TRIM33: variants seen among roughly 807,000 people sequenced by gnomAD.
TRIM33 encodes E3 ubiquitin-protein ligase TRIM33.
In TRIM33, 20 loss-of-function variants were observed where a neutral mutation model predicts 125.4. The ratio of observed to expected loss-of-function variants is 0.16; its 90% CI spans 0.11 to 0.23. TRIM33 has a LOEUF of 0.23. Among genes scored for constraint, TRIM33 ranks in the 10% least tolerant of loss-of-function variants. The pLI is 1.00. For missense variants in TRIM33, 920 were observed against 1,411.4 expected, an observed-to-expected ratio of 0.65 and a Z score of 5.58; for synonymous variants, 564 against 513.9, an observed-to-expected ratio of 1.10 and a Z score of -1.32.
At chr1:114,456,772 T>C (rs1446863043) in intron 4 of TRIM33, among the ~76,000 whole-genome samples, 1 of 152,158 alleles carries the variant, frequency 6.6e-6, no homozygotes, top group Non-Finnish European at 1.5e-5. Context: ...ATACTGATGA[T>C]GTCATGATAC....
chr1:114,505,444 T>C (rs1652940851), intron 1 of TRIM33, among the ~76,000 whole-genome samples: 1 of 152,206 alleles, frequency 6.6e-6, no homozygotes, highest in African/African-American at 2.4e-5. Flanking sequence ...TGGCTCAGCA[T>C]GGTCTGTGAT....
intron 4 of TRIM33, among the ~76,000 whole-genome samples, chr1:114,461,485 A>G (rs1649997767): frequency 6.6e-6 from 1 of 151,526 alleles, no homozygotes; most frequent in Admixed American, 6.6e-5. Flanking sequence ...GAATCAGTCA[A>G]TATGAGGGGA....
intron 1 of TRIM33, among the ~76,000 whole-genome samples, chr1:114,476,935 C>T (rs1463638789): frequency 6.6e-6 from 1 of 152,038 alleles, no homozygotes; most frequent in African/African-American, 2.4e-5. Flanking sequence ...CAATCTAGAA[C>T]AAAAGAGTGA....
At chr1:114,430,454 G>C (rs762391107) in intron 6 of TRIM33, among the ~76,000 whole-genome samples, 3 of 152,060 alleles carry the variant, frequency 2.0e-5, no homozygotes, top group African/African-American at 4.8e-5. Context: ...TGTTGCCTGG[G>C]CTGGGCTGGA....
At chr1:114,426,461 A>G (rs186441727) in intron 8 of TRIM33, among the ~76,000 whole-genome samples, 1 of 152,064 alleles carries the variant, frequency 6.6e-6, no homozygotes, top group Admixed American at 6.5e-5. Context: ...AACTAAGGCT[A>G]TAGCTAAATT....
intron 12 of TRIM33, 111 bp downstream of exon 12, chr1:114,410,073 T>C (rs1652482905): frequency 7.6e-7 from 1 of 1,309,836 alleles, no homozygotes; most frequent in Admixed American, 2.1e-5. Context: ...CCTTTCTCTC[T>C]TCAAGTAGAC....
intron 4 of TRIM33, among the ~76,000 whole-genome samples, chr1:114,449,175 T>C (rs1649169126): frequency 6.7e-6 from 1 of 149,732 alleles, no homozygotes; most frequent in Non-Finnish European, 1.5e-5. Context: ...AAAAAAACAG[T>C]AAAAAGACGT....
intron 13 of TRIM33, 125 bp downstream of exon 13, chr1:114,408,552 T>C: frequency 1.7e-6 from 1 of 591,052 alleles, no homozygotes; most frequent in Non-Finnish European, 3.0e-6. Flanking sequence ...AGATTGGCCA[T>C]TATTTGATCA....
At chr1:114,443,562 T>G (rs1429945370) in intron 4 of TRIM33, among the ~76,000 whole-genome samples, 1 of 152,170 alleles carries the variant, frequency 6.6e-6, no homozygotes, top group Non-Finnish European at 1.5e-5. Context: ...TAAGAAAATA[T>G]TTTAGAGAAA....
At chr1:114,449,140 G>A (rs1311406715) in intron 4 of TRIM33, among the ~76,000 whole-genome samples, 7 of 151,534 alleles carry the variant, frequency 4.6e-5, no homozygotes, top group Non-Finnish European at 8.9e-5. Flanking sequence ...GGATATTTCA[G>A]GGAGTAAAGA....
In TRIM33 at chr1:114,425,864, T is replaced by C. The variant is rs533068954; in HGVS notation, c.1421-141A>G. The C allele has an allele frequency of 4.7e-5, 29 of 622,518 alleles. No individual in the cohort carries two copies. The South Asian group carries it at 4.7e-4, about 10-fold the overall frequency. The allele number at this position is 622,518 out of a possible 1,614,324, so 38.6% of individuals were successfully genotyped here. A position where few individuals can be genotyped will look rare whatever the true frequency, so the allele number is the denominator to read the frequency against. ...CAGTACAGCAGGGAATGGAGTCAGT[T>C]TAAAGATGATGATGATGATCAGAAA... On this transcript the variant is annotated intron_variant, in intron 8 of 19. Transcript: ENST00000358465.
rs1349542820 is a variant in TRIM33 at position 114,405,684 on chromosome 1, C to A, written c.2494G>T (p.Ala832Ser). 1 of 1,614,078 alleles carries A rather than the reference C, an allele frequency of 6.2e-7. No individual in the cohort carries two copies. Among genetic ancestry groups the A allele is most frequent in the Non-Finnish European group, 8.5e-7 (1 of 1,180,028 alleles). ...LHLESELDAL[A>S]SLENHVKIEP... ...ATTTTCACATGGTTTTCCAGGCTTGCCAATGCATCCAATTCACTTTCTAGA... is the reference window on the plus strand; with the variant it reads ...ATTTTCACATGGTTTTCCAGGCTTGACAATGCATCCAATTCACTTTCTAGA... Residue 832 changes from alanine (A) to serine (S), a missense_variant, in exon 15 of 20, where the codon GCA (alanine) becomes TCA (serine). Transcript: ENST00000358465.
intron 10 of TRIM33, among the ~76,000 whole-genome samples, chr1:114,423,977 T>A (rs1433237181): frequency 6.6e-6 from 1 of 152,200 alleles, no homozygotes; most frequent in East Asian, 1.9e-4. Context: ...TTCTAAGAGT[T>A]AAAAAATAAA....
intron 1 of TRIM33, among the ~76,000 whole-genome samples, chr1:114,491,326 A>T (rs768631718): frequency 2.1e-4 from 32 of 152,220 alleles, no homozygotes; most frequent in Non-Finnish European, 3.2e-4. Context: ...GTCGATTCTC[A>T]TCATTTATAG....
chr1:114,396,173 A>G lies in TRIM33; in HGVS notation c.*1475T>C, dbSNP rs1393416602. 9.9e-6 allele frequency: 2 copies of G among 202,950 alleles called. No individual in the cohort carries two copies. The highest frequency in any genetic ancestry group is 2.3e-5 in the African/African-American group (1 of 43,632). The allele number at this position is 202,950 out of a possible 1,614,324, so 12.6% of individuals were successfully genotyped here. ...GTAGGACTAAAATCTTTAATCAAAC[A>G]AAAGAGAAGCCTGTAACAGTGTAGA... is the stretch of plus-strand genomic sequence containing the variant. On this transcript the variant is annotated 3_prime_UTR_variant, in exon 20 of 20. Coordinates refer to ENST00000358465, the MANE Select transcript of TRIM33 (RefSeq NM_015906.4).
At chr1:114,474,060 G>A (rs1022285205) in intron 1 of TRIM33, among the ~76,000 whole-genome samples, 1 of 151,530 alleles carries the variant, frequency 6.6e-6, no homozygotes, top group African/African-American at 2.4e-5. Flanking sequence ...CATCACACTC[G>A]GTTAGTTTGC....
At chr1:114,504,147 C>CT (rs556629115) in intron 1 of TRIM33, among the ~76,000 whole-genome samples, 2 of 150,906 alleles carry the variant, frequency 1.3e-5, no homozygotes, top group Non-Finnish European at 3.0e-5. Context: ...AGCCATTATC[C>CT]TTTTTTTTTA....
intron 1 of TRIM33, among the ~76,000 whole-genome samples, chr1:114,502,101 C>T (rs1249954893): frequency 2.0e-5 from 3 of 152,138 alleles, no homozygotes; most frequent in African/African-American, 4.8e-5. Flanking sequence ...TCTATAGTGA[C>T]CTATTTTTAG....
rs1303537827 is a variant in TRIM33, at chr1:114,395,072, A to C, written c.*2576T>G. ...TAAACTAATAGGAAAACATATATCTAAATATCAATTTAAGTTTTTATACTT... is the reference window on the plus strand; with the variant it reads ...TAAACTAATAGGAAAACATATATCTCAATATCAATTTAAGTTTTTATACTT... On this transcript the variant is annotated 3_prime_UTR_variant, in exon 20 of 20. Transcript: ENST00000358465. 1.6e-5 allele frequency: 3 copies of C among 191,884 alleles called. No individual in the cohort carries two copies. Among genetic ancestry groups the C allele is most frequent in the African/African-American group, 4.6e-5 (2 of 43,056 alleles). 11.9% of individuals were successfully genotyped at this position (191,884 alleles called of 1,614,324 possible).
Sources: allele counts gnomAD v4.1 joint callset (sites outside exome capture counted in the v4.1 genomes callset), GRCh38; gene constraint gnomAD v4.1.1; transcripts MANE v1.5; gene names NCBI Gene and HGNC (gene_info 2026-07-23, HGNC 2026-07-21).